LZTFL1: variants seen among roughly 807,000 people sequenced by gnomAD.
LZTFL1 encodes the protein leucine zipper transcription factor like 1, also known as leucine zipper transcription factor-like protein 1.
A neutral mutation model predicts 45.9 loss-of-function variants in LZTFL1; 25 were observed. The observed-to-expected ratio is 0.54, with a 90% CI of 0.40 to 0.76. LZTFL1 has a LOEUF of 0.76. Among genes scored for constraint, LZTFL1 ranks in the 30% least tolerant of loss-of-function variants. LZTFL1 has a pLI of 0.00. For missense variants in LZTFL1, 277 were observed against 331.1 expected (o/e 0.84, Z 1.27); for synonymous variants, 93 against 117.4 (o/e 0.79, Z 1.35).
At chr3:45,912,437 T>G (rs1051596291) in intron 2 of LZTFL1, among the ~76,000 whole-genome samples, 30 of 152,218 alleles carry the variant, frequency 2.0e-4, no homozygotes, top group African/African-American at 7.2e-4. Flanking sequence ...TGGGCTGGCC[T>G]GTGACTTGCT....
intron 7 of LZTFL1, among the ~76,000 whole-genome samples, chr3:45,829,867 T>C (rs1396914039): frequency 6.6e-6 from 1 of 152,206 alleles, no homozygotes; most frequent in East Asian, 1.9e-4. Flanking sequence ...AACATTCGTG[T>C]TTTTATAAAT....
intron 7 of LZTFL1, among the ~76,000 whole-genome samples, chr3:45,829,271 A>G (rs1425737556): frequency 1.3e-5 from 2 of 152,154 alleles, no homozygotes; most frequent in Non-Finnish European, 2.9e-5. Context: ...TACTGATAAG[A>G]CAGTAAAATG....
At chr3:45,913,012 A>G in intron 2 of LZTFL1, 1 of 1,132,290 alleles carries the variant, frequency 8.8e-7, no homozygotes, top group Non-Finnish European at 1.2e-6. Context: ...AAGTCATCAG[A>G]TAATCTAAAT....
chr3:45,834,298 T>A lies in LZTFL1; in HGVS notation c.324A>T (p.Arg108=). The A allele has an allele frequency of 6.4e-7, 1 of 1,565,142 alleles. No individual in the cohort carries two copies. The highest frequency in any genetic ancestry group is 8.8e-7 in the Non-Finnish European group (1 of 1,139,314). ...ATTCTGCAACTTGTTCTAATAATTC[T>A]CTTGAAGAAGAAAGCAAAGATAAAA... ...LQTDISELEN[R]ELLEQVAEFE... is the part of the protein sequence containing the mutation. The change falls in exon 4 of 10, where the codon CGA becomes CGT. Residue 108 remains arginine, a splice_region_variant and synonymous_variant. Coordinates refer to ENST00000296135, the MANE Select transcript of LZTFL1 (RefSeq NM_020347.4).
chr3:45,895,013 G>C lies in LZTFL1; in HGVS notation c.-215+18107C>G, dbSNP rs6782398. ...ACACACACTCATCTTCCCTTTTTAG[G>C]GGGTGTGGGAAGGATCCACTGTGGG... On this transcript the variant is annotated intron_variant, in intron 2 of 4. Transcript: ENST00000472635. 5,934 of 1,549,958 alleles carry C rather than the reference G, an allele frequency of 3.8e-3. 187 individuals carry two copies. In the African/African-American group the frequency reaches 0.067, roughly 17 times the overall value.
intron 4 of LZTFL1, among the ~76,000 whole-genome samples, chr3:45,850,112 A>G (rs186986625): frequency 1.7e-4 from 26 of 152,216 alleles, no homozygotes; most frequent in Admixed American, 2.0e-4. Context: ...CCCCTTCAAA[A>G]TGGATATATA....
chr3:45,851,495 G>C (rs1438609763), intron 4 of LZTFL1, among the ~76,000 whole-genome samples: 1 of 151,904 alleles, frequency 6.6e-6, no homozygotes, highest in Non-Finnish European at 1.5e-5. Flanking sequence ...AAAGTGCTGG[G>C]ATTAGAAGAG....
At chr3:45,895,097 C>A in intron 2 of LZTFL1, 2 of 871,686 alleles carry the variant, frequency 2.3e-6, no homozygotes, top group Admixed American at 1.8e-5. Context: ...ATGCGCATTG[C>A]TGGGTAGGTT....
In LZTFL1 at chr3:45,852,295, C is replaced by A. The variant is rs1010463444; in HGVS notation, c.-49+2691G>T. On this transcript the variant is annotated intron_variant, in intron 4 of 4. Coordinates refer to the LZTFL1 transcript ENST00000472635. ...TCATCAAAACTGAAAAGGTACACAC[C>A]CTTTAAGCCAGCAATTTGCCTTCAC... 7.5e-4 allele frequency among the ~76,000 whole-genome samples: 114 copies of A among 152,160 alleles called. 1 individual carries two copies. Among genetic ancestry groups the A allele is most frequent in the African/African-American group, 2.6e-3 (109 of 41,516 alleles).
Position 45,824,021 on chromosome 3 carries a change from TA to T in LZTFL1, c.*2292del. On this transcript the variant is annotated 3_prime_UTR_variant, in exon 10 of 10. Transcript: ENST00000296135. ...ATTTAAACATTTATTTAATATAGGT[TA>T]AAATGTAATACATAAAGAGAAAAAA... is the stretch of plus-strand genomic sequence containing the variant. The T allele has an allele frequency of 6.6e-6, 1 of 152,308 alleles. No homozygotes were observed. Among genetic ancestry groups the T allele is most frequent in the African/African-American group, 2.4e-5 (1 of 41,560 alleles). 9.4% of individuals were successfully genotyped at this position (152,308 alleles called of 1,614,324 possible). A position where few individuals can be genotyped will look rare whatever the true frequency, so the allele number is the denominator to read the frequency against.
intron 2 of LZTFL1, chr3:45,897,604 A>G (rs1702398747): frequency 1.3e-6 from 2 of 1,535,734 alleles, no homozygotes; most frequent in Non-Finnish European, 1.7e-6. Context: ...TCGCTGGCCC[A>G]GGAATCCATC....
At position 45,901,977 on chromosome 3, in the gene LZTFL1, G is replaced by A. The variant is rs1391511834; in HGVS notation, c.-215+11143C>T. 1.7e-6 allele frequency: 2 copies of A among 1,164,426 alleles called. No individual in the cohort carries two copies. The highest frequency in any genetic ancestry group is 2.4e-6 in the Non-Finnish European group (2 of 823,998). The allele number at this position is 1,164,426 out of a possible 1,614,324, so 72.1% of individuals were successfully genotyped here. ...CAGTTTCCCCACTGATGGGACCAGAGAGAGTGAAAGAGAAAAGAAAACTCA... is the reference window on the plus strand; with the variant it reads ...CAGTTTCCCCACTGATGGGACCAGAAAGAGTGAAAGAGAAAAGAAAACTCA... On this transcript the variant is annotated intron_variant, in intron 2 of 4. Coordinates refer to the LZTFL1 transcript ENST00000472635. The surrounding 1 kb of genome is among the most constrained non-coding windows in gnomAD (Gnocchi z 4.3).
chr3:45,881,284 CA>C (rs750605530), intron 2 of LZTFL1, among the ~76,000 whole-genome samples: 25 of 152,360 alleles, frequency 1.6e-4, no homozygotes, highest in Admixed American at 7.8e-4. Context: ...AGCCATATCA[CA>C]TCCAGTGCTA....
rs913429329 is a variant in LZTFL1 at position 45,895,058 on chromosome 3, G to T, written c.-215+18062C>A. 2.5e-6 allele frequency: 3 copies of T among 1,214,736 alleles called. No individual in the cohort carries two copies. The African/African-American group carries it at 4.5e-5, about 18-fold the overall frequency. 75.2% of individuals were successfully genotyped at this position (1,214,736 alleles called of 1,614,324 possible). ...TGTGGGGGAAGGATTTATCTGTGTG[G>T]TTTCCCAGGGTAAGATCTCTGCCTG... On this transcript the variant is annotated intron_variant, in intron 2 of 4. Transcript: ENST00000472635.
chr3:45,869,804 T>C (rs2125715507), intron 2 of LZTFL1, among the ~76,000 whole-genome samples: 1 of 152,346 alleles, frequency 6.6e-6, no homozygotes, highest in Non-Finnish European at 1.5e-5. Context: ...CCCCCAAATC[T>C]GGGACATCCA....
At chr3:45,864,566 C>T (rs1430865593) in intron 2 of LZTFL1, among the ~76,000 whole-genome samples, 2 of 152,128 alleles carry the variant, frequency 1.3e-5, no homozygotes, top group Admixed American at 6.6e-5. Flanking sequence ...ATGTTCAGTG[C>T]AGAATATGCA....
At chr3:45,910,974 A>T (rs1359093730) in intron 2 of LZTFL1, among the ~76,000 whole-genome samples, 1 of 152,160 alleles carries the variant, frequency 6.6e-6, no homozygotes, top group Admixed American at 6.5e-5. Context: ...GCTTAGGGCC[A>T]GTAGTTGATG....
intron 1 of LZTFL1, 91 bp downstream of exon 1, chr3:45,841,898 G>T: frequency 6.6e-7 from 1 of 1,510,274 alleles, no homozygotes; most frequent in Non-Finnish European, 9.0e-7. Context: ...ACGAGGCCAC[G>T]TAATCATTCC....
At chr3:45,827,597 C>T (rs532131623) in intron 8 of LZTFL1, 138 bp from the exon 9 acceptor site, 43 of 613,604 alleles carry the variant, frequency 7.0e-5, no homozygotes, top group Middle Eastern at 8.9e-4. Context: ...CCTTAAAGGA[C>T]ACATTTATAT....
Sources: allele counts gnomAD v4.1 joint callset (sites outside exome capture counted in the v4.1 genomes callset), GRCh38; gene constraint gnomAD v4.1.1; non-coding constraint Gnocchi (gnomAD v3.1); transcripts MANE v1.5; gene names NCBI Gene and HGNC (gene_info 2026-07-23, HGNC 2026-07-21).